KANK1: variants seen among roughly 807,000 people sequenced by gnomAD.
KANK1 encodes the protein KN motif and ankyrin repeat domains 1.
In KANK1, 109 loss-of-function variants were observed where a neutral mutation model predicts 106.2. That is an observed-to-expected ratio of 1.03 (90% CI 0.88 to 1.20). KANK1 has a LOEUF of 1.20. Among genes scored for constraint, KANK1 ranks in the 50% most tolerant of loss-of-function variants. The pLI, the probability that KANK1 is intolerant of heterozygous loss-of-function variation, is 0.00. For synonymous variants in KANK1, 873 were observed against 652.2 expected (o/e 1.34, Z -5.16); for missense variants, 2,399 against 1,710.7 (o/e 1.40, Z -7.10).
At chr9:532,994 C>A (rs751820897) in intron 1 of KANK1, among the ~76,000 whole-genome samples, 6 of 152,124 alleles carry the variant, frequency 3.9e-5, no homozygotes, top group Non-Finnish European at 8.8e-5. Flanking sequence ...CACCATGTTG[C>A]TGGTCGGAAC....
intron 1 of KANK1, among the ~76,000 whole-genome samples, chr9:571,026 C>G (rs984795423): frequency 1.3e-5 from 2 of 152,104 alleles, no homozygotes; most frequent in Non-Finnish European, 2.9e-5. Flanking sequence ...AAAAACTACT[C>G]TAAAGATCCT....
chr9:741,482 C>G (rs988288491), intron 9 of KANK1, among the ~76,000 whole-genome samples: 1 of 125,980 alleles, frequency 7.9e-6, no homozygotes, highest in East Asian at 2.2e-4. Context: ...CACCACCACA[C>G]CTGGCTTTTT....
intron 1 of KANK1, among the ~76,000 whole-genome samples, chr9:530,638 C>T (rs1309225446): frequency 6.6e-6 from 1 of 152,106 alleles, no homozygotes; most frequent in East Asian, 1.9e-4. Flanking sequence ...GAGGATTGGG[C>T]TTGTATTAAA....
At chr9:691,406 A>G (rs7035433) in intron 2 of KANK1, among the ~76,000 whole-genome samples, 75,872 of 145,830 alleles carry the variant, frequency 0.52, 19,983 homozygotes, top group South Asian at 0.7. Flanking sequence ...GTGTGTGTGT[A>G]TATATATATA....
intron 9 of KANK1, among the ~76,000 whole-genome samples, chr9:741,325 CTTTTTT>C (rs71314736): frequency 6.8e-6 from 1 of 146,350 alleles, no homozygotes; most frequent in African/African-American, 2.5e-5. Flanking sequence ...CACAGCTTGA[CTTTTTT>C]TTTTTTAAGA....
chr9:577,944 A>C (rs933132123), intron 1 of KANK1, among the ~76,000 whole-genome samples: 1 of 152,180 alleles, frequency 6.6e-6, no homozygotes, highest in African/African-American at 2.4e-5. Flanking sequence ...AGCCCCAAAG[A>C]GTGCTAGTTG....
intron 1 of KANK1, among the ~76,000 whole-genome samples, chr9:574,208 G>A (rs1819942840): frequency 6.6e-6 from 1 of 152,246 alleles, no homozygotes; most frequent in East Asian, 1.9e-4. Flanking sequence ...CTCTGTACCT[G>A]TAACATTCCA....
chr9:721,203 C>G (rs1182206435), intron 3 of KANK1, among the ~76,000 whole-genome samples: 1 of 152,136 alleles, frequency 6.6e-6, no homozygotes, highest in Non-Finnish European at 1.5e-5. Flanking sequence ...ATACCTTGTC[C>G]TTTACAGGGT....
chr9:497,929 TC>T (rs1386998330), intron 3 of KANK1, among the ~76,000 whole-genome samples: 1 of 152,092 alleles, frequency 6.6e-6, no homozygotes, highest in Admixed American at 6.6e-5. Context: ...CCCAGTTCCA[TC>T]CGTCCCAAAG....
chr9:733,166 C>G (rs991851302), intron 6 of KANK1: 1 of 152,242 alleles, frequency 6.6e-6, no homozygotes, highest in African/African-American at 2.4e-5. Context: ...CTGAAAAACA[C>G]TCTGGTTGGC....
At chr9:716,482 C>G (rs1395348152) in intron 3 of KANK1, among the ~76,000 whole-genome samples, 3 of 152,044 alleles carry the variant, frequency 2.0e-5, no homozygotes, top group South Asian at 4.2e-4. Context: ...ATTATTATAC[C>G]TCTCCAACTA....
chr9:505,963 C>T (rs753014759), intron 1 of KANK1, among the ~76,000 whole-genome samples: 5 of 152,126 alleles, frequency 3.3e-5, no homozygotes, highest in Non-Finnish European at 7.4e-5. Flanking sequence ...CCAGTTTCTC[C>T]TTTCATCCAA....
rs1826762460 is a variant in KANK1, at chr9:713,406, A to C, written c.2640A>C (p.Ala880=). 1 of 1,612,630 alleles carries C rather than the reference A, an allele frequency of 6.2e-7. No homozygotes were observed. Among genetic ancestry groups the C allele is most frequent in the African/African-American group, 1.3e-5 (1 of 74,862 alleles). The stretch of plus-strand genomic sequence containing the variant: ...CTATCAACTCTGTCATGAAATCTGC[A>C]AGCACTGAAGAGCTGAGGAACCCTG... The part of the protein sequence containing the change: ...LSSINSVMKS[A]STEELRNPDF... The change falls in exon 3 of 12, where the codon GCA becomes GCC. Residue 880 remains alanine, a synonymous_variant. Coordinates refer to ENST00000382297, the MANE Select transcript of KANK1 (RefSeq NM_015158.5).
chr9:555,349 C>T (rs774335511), intron 1 of KANK1, among the ~76,000 whole-genome samples: 2 of 152,038 alleles, frequency 1.3e-5, no homozygotes, highest in East Asian at 1.9e-4. Context: ...ACACCATGTA[C>T]ATGATGGCAC....
chr9:648,864 T>C (rs1237240795), intron 1 of KANK1, among the ~76,000 whole-genome samples: 2 of 152,220 alleles, frequency 1.3e-5, no homozygotes, highest in African/African-American at 2.4e-5. Flanking sequence ...TCTGAAACCA[T>C]GTAGATAATC....
intron 1 of KANK1, among the ~76,000 whole-genome samples, chr9:575,627 T>C (rs1425724152): frequency 1.3e-5 from 2 of 151,874 alleles, no homozygotes; most frequent in Non-Finnish European, 2.9e-5. Context: ...GCCATGATCA[T>C]GTCACTGCAC....
At chr9:624,122 C>A (rs963081814) in intron 1 of KANK1, among the ~76,000 whole-genome samples, 2 of 152,062 alleles carry the variant, frequency 1.3e-5, no homozygotes, top group South Asian at 4.2e-4. Context: ...GTGGAATAAT[C>A]CAGACACAGA....
intron 1 of KANK1, among the ~76,000 whole-genome samples, chr9:508,893 A>G (rs1249201206): frequency 6.6e-6 from 1 of 152,168 alleles, no homozygotes; most frequent in African/African-American, 2.4e-5. Flanking sequence ...TCCAATACAA[A>G]TGTGTACATT....
In KANK1 at chr9:745,198, C is replaced by A; in HGVS notation, c.4022C>A (p.Thr1341Lys). The change falls in exon 12 of 12, where the codon ACG becomes AAG. Residue 1341 changes from threonine to lysine, a missense_variant. Transcript: ENST00000382297. ...SPGTPRLGRK[T>K]SPGPTHRGSF... Reference sequence around the variant, plus strand: ...GGCACCCCTAGGCTTGGAAGGAAGACGTCTCCTGGCCCCACCCACCGAGGT... The same window carrying A: ...GGCACCCCTAGGCTTGGAAGGAAGAAGTCTCCTGGCCCCACCCACCGAGGT... The A allele has an allele frequency of 6.2e-7, 1 of 1,613,984 alleles. No homozygotes were observed. Among genetic ancestry groups the A allele is most frequent in the Non-Finnish European group, 8.5e-7 (1 of 1,179,938 alleles).
Sources: gnomAD v4.1 joint callset for allele counts (sites outside exome capture counted in the v4.1 genomes callset) on GRCh38, gnomAD v4.1.1 for gene constraint, MANE v1.5 for transcripts, NCBI Gene and HGNC (gene_info 2026-07-23, HGNC 2026-07-21) for gene names.